The following SLC9A9 variants were observed in gnomAD, a reference collection of about 807,000 sequenced individuals.
SLC9A9 encodes sodium/hydrogen exchanger 9.
In SLC9A9, 62 loss-of-function variants were observed where a neutral mutation model predicts 77.8. That is an observed-to-expected ratio of 0.80 (90% confidence interval 0.65 to 0.98). SLC9A9 has a LOEUF of 0.98. SLC9A9 is among the 50% of genes least tolerant of loss of function. The pLI, the probability that SLC9A9 is intolerant of heterozygous loss-of-function variation, is 0.00. For missense variants in SLC9A9, 775 were observed against 774.9 expected (o/e 1.00, Z 0.00); for synonymous variants, 320 against 283.5 (o/e 1.13, Z -1.29).
chr3:143,449,787 AAT>A lies in SLC9A9; in HGVS notation c.1469+17248_1469+17249del, dbSNP rs2034948232. Among the ~76,000 whole-genome samples the A allele has an allele frequency of 4.7e-5, 4 of 85,146 alleles. 1 individual carries two copies. The highest frequency in any genetic ancestry group is 2.0e-4 in the African/African-American group (4 of 19,530). The allele number at this position is 85,146 out of a possible 152,430, so 55.9% of individuals were successfully genotyped here. Reference sequence around the variant, plus strand: ...TATATAATTATATATATTTATATATAATTATATATATTTTATATATATAATTA... The same window carrying A: ...TATATAATTATATATATTTATATATATATATATATTTTATATATATAATTA... On this transcript the variant is annotated intron_variant, in intron 12 of 15. Coordinates refer to ENST00000316549, the MANE Select transcript of SLC9A9 (RefSeq NM_173653.4).
intron 1 of SLC9A9, among the ~76,000 whole-genome samples, chr3:143,832,977 T>C (rs2009475219): frequency 6.6e-6 from 1 of 152,320 alleles, no homozygotes. Flanking sequence ...TGCATTCTAA[T>C]GACACCACAT....
chr3:143,519,990 A>G (rs1346815523), intron 9 of SLC9A9, among the ~76,000 whole-genome samples: 2 of 152,170 alleles, frequency 1.3e-5, no homozygotes, highest in African/African-American at 4.8e-5. Flanking sequence ...TAGAAGGCAA[A>G]TGGATATGCA....
chr3:143,381,631 G>T (rs572873579), intron 13 of SLC9A9, among the ~76,000 whole-genome samples: 2 of 152,292 alleles, frequency 1.3e-5, no homozygotes, highest in African/African-American at 4.8e-5. Flanking sequence ...CACCTAGACA[G>T]TTTTTTGGGC....
intron 12 of SLC9A9, among the ~76,000 whole-genome samples, chr3:143,432,323 G>A (rs2034535076): frequency 6.6e-6 from 1 of 152,142 alleles, no homozygotes. Flanking sequence ...AGTGGGAACA[G>A]GCCCTGGAAA....
At chr3:143,447,709 G>T (rs1233194319) in intron 12 of SLC9A9, among the ~76,000 whole-genome samples, 1 of 152,172 alleles carries the variant, frequency 6.6e-6, no homozygotes, top group Admixed American at 6.5e-5. Context: ...GTTATTTTGA[G>T]AAAAGCAAAC....
intron 5 of SLC9A9, among the ~76,000 whole-genome samples, chr3:143,664,701 C>T (rs56186230): frequency 1.8e-3 from 274 of 152,256 alleles, no homozygotes; most frequent in African/African-American, 6.0e-3. Flanking sequence ...TCTGATAAAA[C>T]AGACTTTAAA....
chr3:143,702,544 T>C (rs973581470), intron 4 of SLC9A9, among the ~76,000 whole-genome samples: 9 of 90,314 alleles, frequency 1.0e-4, no homozygotes, highest in Admixed American at 2.2e-4. Flanking sequence ...TAATGAAAAC[T>C]GCAAATCAAA....
intron 1 of SLC9A9, among the ~76,000 whole-genome samples, chr3:143,838,068 T>A (rs1411777944): frequency 6.6e-6 from 1 of 152,252 alleles, no homozygotes; most frequent in Non-Finnish European, 1.5e-5. Flanking sequence ...TGCTTAATTC[T>A]GTTTCTGTCA....
At chr3:143,509,870 T>A (rs1320636297) in intron 9 of SLC9A9, among the ~76,000 whole-genome samples, 2 of 152,218 alleles carry the variant, frequency 1.3e-5, no homozygotes, top group African/African-American at 4.8e-5. Context: ...TAATCCCCTA[T>A]TTGTTCTGTA....
chr3:143,738,837 G>A (rs73009471), intron 4 of SLC9A9, among the ~76,000 whole-genome samples: 3,050 of 152,234 alleles, frequency 0.02, 96 homozygotes, highest in African/African-American at 0.07. Context: ...TGCAGCTCAG[G>A]ACCAGCCAAA....
chr3:143,454,610 G>T (rs1283461841), intron 12 of SLC9A9, among the ~76,000 whole-genome samples: 1 of 152,116 alleles, frequency 6.6e-6, no homozygotes, highest in East Asian at 1.9e-4. Flanking sequence ...ACACCTATTA[G>T]CTCCCAGTTC....
intron 8 of SLC9A9, among the ~76,000 whole-genome samples, chr3:143,553,565 A>G (rs959483310): frequency 2.0e-5 from 3 of 152,206 alleles, no homozygotes; most frequent in Non-Finnish European, 4.4e-5. Context: ...TGCAACAAAG[A>G]ATTTTAAAGA....
intron 13 of SLC9A9, among the ~76,000 whole-genome samples, chr3:143,371,285 A>G (rs2033053144): frequency 6.6e-6 from 1 of 152,218 alleles, no homozygotes; most frequent in African/African-American, 2.4e-5. Context: ...ACCTCAGAAA[A>G]AAAGCATGTT....
intron 11 of SLC9A9, among the ~76,000 whole-genome samples, chr3:143,480,701 C>T (rs887526447): frequency 2.2e-4 from 34 of 152,190 alleles, no homozygotes; most frequent in Admixed American, 8.5e-4. Context: ...TGGAGAAAGT[C>T]CTGACCTCTG....
chr3:143,370,746 C>T (rs1459232816), intron 13 of SLC9A9, among the ~76,000 whole-genome samples: 1 of 151,876 alleles, frequency 6.6e-6, no homozygotes, highest in African/African-American at 2.4e-5. Flanking sequence ...TGTCTAAAAA[C>T]AAAGGAAAAC....
At chr3:143,799,139 G>A (rs974301781) in intron 2 of SLC9A9, among the ~76,000 whole-genome samples, 4 of 151,944 alleles carry the variant, frequency 2.6e-5, no homozygotes, top group South Asian at 2.1e-4. Context: ...TTCTTTATCC[G>A]ACCTCTCCCA....
rs745803962 is a variant in SLC9A9, at chr3:143,398,359, G to T, written c.1470-16245C>A. ...AGACTTATTCCTGAGAGCAGAAAGA[G>T]ATGGGAACAAAAGCCTAAGGCCAAC... On this transcript the variant is annotated intron_variant, in intron 12 of 15. Coordinates refer to ENST00000316549, the MANE Select transcript of SLC9A9 (RefSeq NM_173653.4). Among the ~76,000 whole-genome samples the T allele has an allele frequency of 6.7e-4, 102 of 152,302 alleles. 1 individual carries two copies. Among genetic ancestry groups the T allele is most frequent in the Admixed American group, 3.7e-3 (57 of 15,294 alleles).
At chr3:143,697,709 C>G (rs553541449) in intron 4 of SLC9A9, among the ~76,000 whole-genome samples, 2 of 149,072 alleles carry the variant, frequency 1.3e-5, no homozygotes, top group Non-Finnish European at 3.0e-5. Flanking sequence ...CACACACACA[C>G]ACACACCCCA....
At chr3:143,754,708 A>T (rs73009492) in intron 4 of SLC9A9, among the ~76,000 whole-genome samples, 1,738 of 152,324 alleles carry the variant, frequency 0.011, 36 homozygotes, top group African/African-American at 0.039. Flanking sequence ...CTGAGCCAGG[A>T]GTCCTGAGAC....
Sources: allele counts gnomAD v4.1 joint callset (sites outside exome capture counted in the v4.1 genomes callset), GRCh38; gene constraint gnomAD v4.1.1; transcripts MANE v1.5; gene names NCBI Gene and HGNC (gene_info 2026-07-23, HGNC 2026-07-21).